The following NEK6 variants were observed in gnomAD, a reference collection of about 807,000 sequenced individuals.
NEK6 encodes serine/threonine-protein kinase Nek6.
NEK6 carries 27 observed loss-of-function variants against 43.5 expected under a neutral mutation model. That is an observed-to-expected ratio of 0.62 (90% confidence interval 0.46 to 0.86). The LOEUF is 0.86. NEK6 is among the 40% of genes least tolerant of loss of function. The pLI is 0.00. For missense variants in NEK6, 318 were observed against 414.4 expected (o/e 0.77, Z 2.02); for synonymous variants, 167 against 164.1 (o/e 1.02, Z -0.14).
chr9:124,341,715 C>T (rs1254179406), intron 8 of NEK6, among the ~76,000 whole-genome samples: 2 of 150,966 alleles, frequency 1.3e-5, no homozygotes, highest in Non-Finnish European at 1.5e-5. Context: ...GTTGGGGCGG[C>T]GAGTGTTGAG....
Position 124,351,128 on chromosome 9 carries a change from G to A in NEK6, c.*181G>A, listed in dbSNP as rs993641785. ...GCAGAGCAGCTGAGGGAGGGGCGCTGGCCACATGTCACTGATGGTCAGATT... is the reference window on the plus strand; with the variant it reads ...GCAGAGCAGCTGAGGGAGGGGCGCTAGCCACATGTCACTGATGGTCAGATT... On this transcript the variant is annotated 3_prime_UTR_variant, in exon 10 of 10. Transcript: ENST00000320246. 1 of 565,626 alleles carries A rather than the reference G, an allele frequency of 1.8e-6. No homozygotes were observed. The highest frequency in any genetic ancestry group is 3.2e-6 in the Non-Finnish European group (1 of 314,416). 35.0% of individuals were successfully genotyped at this position (565,626 alleles called of 1,614,324 possible).
chr9:124,268,419 C>G (rs1023434829), intron 1 of NEK6, among the ~76,000 whole-genome samples: 1 of 152,180 alleles, frequency 6.6e-6, no homozygotes, highest in African/African-American at 2.4e-5. Flanking sequence ...CTACTGTGTG[C>G]CAGCCCATAG....
chr9:124,261,798 C>T (rs1003257555), intron 1 of NEK6, among the ~76,000 whole-genome samples: 3 of 152,240 alleles, frequency 2.0e-5, no homozygotes, highest in Admixed American at 6.5e-5. Flanking sequence ...TGCAAATTGA[C>T]GAACATTTGC....
chr9:124,279,901 C>T (rs1831819693), intron 1 of NEK6, among the ~76,000 whole-genome samples: 1 of 152,270 alleles, frequency 6.6e-6, no homozygotes, highest in African/African-American at 2.4e-5. Flanking sequence ...CTCTTGTCCA[C>T]TCCTGTGTCC....
intron 1 of NEK6, among the ~76,000 whole-genome samples, chr9:124,300,635 G>C (rs1832919385): frequency 6.6e-6 from 1 of 152,100 alleles, no homozygotes; most frequent in South Asian, 2.1e-4. Flanking sequence ...GGAGGGCAAG[G>C]CCAGGAATGG....
At chr9:124,334,488 G>A (rs1207493601) in intron 7 of NEK6, among the ~76,000 whole-genome samples, 2 of 152,194 alleles carry the variant, frequency 1.3e-5, no homozygotes, top group Non-Finnish European at 2.9e-5. Flanking sequence ...AGGAGGGGAC[G>A]GAGGGCTGGT....
At chr9:124,263,027 C>A (rs1455819364) in intron 1 of NEK6, 1 of 152,164 alleles carries the variant, frequency 6.6e-6, no homozygotes, top group Non-Finnish European at 1.5e-5. Context: ...AGGTGAGTGG[C>A]AGTATGGGAA....
intron 7 of NEK6, among the ~76,000 whole-genome samples, chr9:124,328,860 A>C (rs1588522377): frequency 6.6e-6 from 1 of 152,332 alleles, no homozygotes; most frequent in East Asian, 1.9e-4. Flanking sequence ...GCCAGGCCTC[A>C]GGAGCTCTTC....
At chr9:124,266,222 C>T (rs1051116780) in intron 1 of NEK6, among the ~76,000 whole-genome samples, 9 of 152,156 alleles carry the variant, frequency 5.9e-5, no homozygotes, top group Admixed American at 4.6e-4. Context: ...GATGGCCTTA[C>T]CAGGCACTTA....
chr9:124,348,841 GAATCTTCCCCTCACCCATTTACCAAT>G (rs1200392221), intron 9 of NEK6, among the ~76,000 whole-genome samples: 1 of 152,242 alleles, frequency 6.6e-6, no homozygotes, highest in African/African-American at 2.4e-5. Flanking sequence ...TTCCTGAGTT[GAATCTTCCCCTCACCCATTTACCAAT>G]AAGGAACAGA....
At chr9:124,308,169 A>G (rs1833354697) in intron 2 of NEK6, among the ~76,000 whole-genome samples, 1 of 152,220 alleles carries the variant, frequency 6.6e-6, no homozygotes, top group Non-Finnish European at 1.5e-5. Context: ...CCCAAGGCCC[A>G]CAGCTGGGAA....
At position 124,283,369 on chromosome 9, in the gene NEK6, C is replaced by G. The variant is rs1306664486; in HGVS notation, c.-29-18567C>G. Among the ~76,000 whole-genome samples the G allele has an allele frequency of 1.3e-5, 2 of 152,348 alleles. 1 individual carries two copies. Among genetic ancestry groups the G allele is most frequent in the East Asian group, 3.9e-4 (2 of 5,188 alleles). On this transcript the variant is annotated intron_variant, in intron 1 of 9. Coordinates refer to ENST00000320246, the MANE Select transcript of NEK6 (RefSeq NM_014397.6). ...GAGAATCTATAGGCATTTCCTTCCCCACGTCCTAGGACACAGTTAGCTGAG... is the reference window on the plus strand; with the variant it reads ...GAGAATCTATAGGCATTTCCTTCCCGACGTCCTAGGACACAGTTAGCTGAG...
chr9:124,257,970 C>A lies in NEK6; in HGVS notation c.-145C>A. On this transcript the variant is annotated 5_prime_UTR_variant, in exon 1 of 10. Transcript: ENST00000320246. ...GCAGGCGGTGGCGGCGGCGGCGGAA[C>A]CGAGCTGACGGGCGTGCGGCCGCTG... is the stretch of plus-strand genomic sequence containing the variant. The A allele has an allele frequency of 6.1e-6, 6 of 978,556 alleles. No individual in the cohort carries two copies. Among genetic ancestry groups the A allele is most frequent in the Non-Finnish European group, 7.3e-6 (6 of 827,340 alleles). 60.6% of individuals were successfully genotyped at this position (978,556 alleles called of 1,614,324 possible). A position where few individuals can be genotyped will look rare whatever the true frequency, so the allele number is the denominator to read the frequency against.
At chr9:124,345,270 C>T (rs992069712) in intron 8 of NEK6, among the ~76,000 whole-genome samples, 15 of 152,214 alleles carry the variant, frequency 9.9e-5, no homozygotes, top group African/African-American at 3.6e-4. Context: ...GAGATCTCGC[C>T]GTCCAGGGTA....
chr9:124,341,802 T>C (rs1438936852), intron 8 of NEK6, among the ~76,000 whole-genome samples: 1 of 152,094 alleles, frequency 6.6e-6, no homozygotes, highest in African/African-American at 2.4e-5. Context: ...TCTTTAGCCA[T>C]AGGAGACAAG....
chr9:124,313,643 G>A (rs1041799908), intron 3 of NEK6, among the ~76,000 whole-genome samples: 3 of 152,204 alleles, frequency 2.0e-5, no homozygotes, highest in Non-Finnish European at 4.4e-5. Context: ...TTACAGGTGT[G>A]AGCCACTGTG....
intron 7 of NEK6, among the ~76,000 whole-genome samples, chr9:124,334,670 G>A (rs986501313): frequency 2.6e-5 from 4 of 152,250 alleles, no homozygotes; most frequent in African/African-American, 9.6e-5. Flanking sequence ...CTGGCCAGGG[G>A]AGGGGACCTT....
rs1484140776 is a variant in NEK6 at position 124,351,539 on chromosome 9, C to G, written c.*592C>G. On this transcript the variant is annotated 3_prime_UTR_variant, in exon 10 of 10. Transcript: ENST00000320246. ...AGAGCCCTGCACCTGGCCAGAGTGT[C>G]ACAGGCAAAAGGCATCGGGAAGCAG... 6.6e-6 allele frequency: 1 copy of G among 152,290 alleles called. No homozygotes were observed. Among genetic ancestry groups the G allele is most frequent in the Non-Finnish European group, 1.5e-5 (1 of 68,134 alleles). 9.4% of individuals were successfully genotyped at this position (152,290 alleles called of 1,614,324 possible).
At chr9:124,321,623 G>T in intron 5 of NEK6, 54 bp downstream of exon 5, 5 of 1,180,390 alleles carry the variant, frequency 4.2e-6, no homozygotes, top group South Asian at 3.7e-5. Flanking sequence ...TGGAGCCAAA[G>T]GTGGCAGTCT....
Sources: allele counts gnomAD v4.1 joint callset (sites outside exome capture counted in the v4.1 genomes callset), GRCh38; gene constraint gnomAD v4.1.1; transcripts MANE v1.5; gene names NCBI Gene and HGNC (gene_info 2026-07-23, HGNC 2026-07-21).